The following MCF2L2 variants were observed in gnomAD, a reference collection of about 807,000 sequenced individuals.
MCF2L2 encodes MCF.2 cell line derived transforming sequence-like 2, also known as probable guanine nucleotide exchange factor MCF2L2.
In MCF2L2, 102 loss-of-function variants were observed where a neutral mutation model predicts 150.2. The ratio of observed to expected loss-of-function variants is 0.68; its 90% CI spans 0.58 to 0.80. The LOEUF (loss-of-function observed/expected upper bound fraction) is 0.80, where lower values mean the gene tolerates loss of function less well. Ranked by LOEUF, MCF2L2 falls within the 30% of genes least tolerant of loss-of-function variation. MCF2L2 has a pLI of 0.00. For missense variants in MCF2L2, 1,256 were observed against 1,372.8 expected, an observed-to-expected ratio of 0.91 and a Z score of 1.34; for synonymous variants, 465 against 491.3, an observed-to-expected ratio of 0.95 and a Z score of 0.71.
chr3:183,184,104 T>G (rs11919772), intron 27 of MCF2L2, among the ~76,000 whole-genome samples: 37,494 of 152,092 alleles, frequency 0.25, 5,916 homozygotes, highest in African/African-American at 0.42. Context: ...AGCAACCTCC[T>G]TCTCCCGGGT....
Position 183,296,980 on chromosome 3 carries a change from G to C in MCF2L2, c.1493C>G (p.Ala498Gly). 6.2e-7 allele frequency: 1 copy of C among 1,613,310 alleles called. No homozygotes were observed. The highest frequency in any genetic ancestry group is 8.5e-7 in the Non-Finnish European group (1 of 1,179,494). Reference sequence around the variant, plus strand: ...AAAATAACCCGGAAGCATTACCTTTGCATCGAGGGTGAGCAGCAACTCAAA... The same window carrying C: ...AAAATAACCCGGAAGCATTACCTTTCCATCGAGGGTGAGCAGCAACTCAAA... ...NEFELLLTLD[A>G]KAKAQKVLQR... The change falls in exon 12 of 30, where the codon GCA (alanine) becomes GGA (glycine). Residue 498 changes from alanine (A) to glycine (G), a missense_variant. By Grantham distance (60) the Ala-to-Gly change is moderately conservative. Transcript: ENST00000328913.
At chr3:183,396,680 G>T (rs1250694090) in intron 1 of MCF2L2, among the ~76,000 whole-genome samples, 1 of 152,010 alleles carries the variant, frequency 6.6e-6, no homozygotes, top group East Asian at 1.9e-4. Flanking sequence ...CATATCACTG[G>T]CCCATAAACA....
intron 1 of MCF2L2, among the ~76,000 whole-genome samples, chr3:183,403,100 C>T (rs938865975): frequency 6.6e-6 from 1 of 151,762 alleles, no homozygotes; most frequent in African/African-American, 2.4e-5. Context: ...ATGGAAACCC[C>T]GTCTCTACTA....
intron 7 of MCF2L2, among the ~76,000 whole-genome samples, chr3:183,313,444 A>G (rs920310214): frequency 3.3e-5 from 5 of 152,214 alleles, no homozygotes; most frequent in Non-Finnish European, 7.3e-5. Context: ...GATGTCACAC[A>G]CTATATATCC....
At chr3:183,192,117 G>A (rs1043236669) in intron 27 of MCF2L2, among the ~76,000 whole-genome samples, 11 of 148,244 alleles carry the variant, frequency 7.4e-5, no homozygotes, top group South Asian at 2.2e-4. Flanking sequence ...CCAAAGTGCC[G>A]GGATTACAGG....
intron 1 of MCF2L2, among the ~76,000 whole-genome samples, chr3:183,395,578 G>C (rs1255290064): frequency 6.6e-6 from 1 of 152,140 alleles, no homozygotes; most frequent in African/African-American, 2.4e-5. Context: ...TACAGTTTGA[G>C]GAATTTTGAC....
chr3:183,194,332 A>G (rs1374921687), intron 26 of MCF2L2, among the ~76,000 whole-genome samples: 1 of 152,224 alleles, frequency 6.6e-6, no homozygotes, highest in Non-Finnish European at 1.5e-5. Context: ...GAGGAATTAT[A>G]GACGAAGATT....
At chr3:183,364,980 T>C (rs1712441690) in intron 3 of MCF2L2, among the ~76,000 whole-genome samples, 1 of 152,046 alleles carries the variant, frequency 6.6e-6, no homozygotes, top group African/African-American at 2.4e-5. Context: ...CTCTAAAAAA[T>C]GAAAGAAGAC....
At chr3:183,284,238 C>T (rs1727665910) in intron 14 of MCF2L2, among the ~76,000 whole-genome samples, 1 of 152,174 alleles carries the variant, frequency 6.6e-6, no homozygotes, top group Non-Finnish European at 1.5e-5. Context: ...GTAATCACCA[C>T]CTCACTCCTC....
intron 2 of MCF2L2, among the ~76,000 whole-genome samples, chr3:183,382,601 G>T (rs184344692): frequency 1.3e-5 from 2 of 152,248 alleles, no homozygotes; most frequent in Non-Finnish European, 2.9e-5. Context: ...CTGAGGAAAC[G>T]CGGTAATGCA....
In MCF2L2 at chr3:183,181,053, C is replaced by T. The variant is rs975997830; in HGVS notation, c.3017-894G>A. Among the ~76,000 whole-genome samples, 5 of 152,334 alleles carry T rather than the reference C, an allele frequency of 3.3e-5. No individual in the cohort carries two copies. The highest frequency in any genetic ancestry group is 9.6e-5 in the African/African-American group (4 of 41,578). ...GCTGAGTAGTCTACGCGGCGGGAGC[C>T]GTGCTAGGAAAGTGTCTGCTCAGGC... On this transcript the variant is annotated intron_variant, in intron 27 of 29. Coordinates refer to ENST00000328913, the MANE Select transcript of MCF2L2 (RefSeq NM_015078.4). The surrounding 1 kb of genome is among the most constrained non-coding windows in gnomAD (Gnocchi z 4.3).
At chr3:183,407,313 T>C (rs1309903445) in intron 1 of MCF2L2, among the ~76,000 whole-genome samples, 1 of 148,562 alleles carries the variant, frequency 6.7e-6, no homozygotes, top group African/African-American at 2.6e-5. Context: ...ATGTACTCTT[T>C]TAAAAAAAAA....
chr3:183,363,724 GCA>G (rs1040118626), intron 3 of MCF2L2, among the ~76,000 whole-genome samples: 15 of 152,106 alleles, frequency 9.9e-5, no homozygotes, highest in Non-Finnish European at 1.8e-4. Flanking sequence ...TGTCTCAAAA[GCA>G]GGTAGAAAGA....
chr3:183,281,083 T>A lies in MCF2L2; in HGVS notation c.1777-4126A>T, dbSNP rs560286736. Among the ~76,000 whole-genome samples, 1,145 of 152,160 alleles carry A rather than the reference T, an allele frequency of 7.5e-3. 17 individuals carry two copies. The highest frequency in any genetic ancestry group is 0.026 in the African/African-American group (1,087 of 41,482). On this transcript the variant is annotated intron_variant, in intron 14 of 29. Coordinates refer to ENST00000328913, the MANE Select transcript of MCF2L2 (RefSeq NM_015078.4). ...GTTCAGCATTTTCTGGCATTGTAAA[T>A]TTAATTAATTAATTATGTAAATTAA...
intron 1 of MCF2L2, chr3:183,400,629 A>T (rs1482908787): frequency 2.9e-6 from 1 of 349,038 alleles, no homozygotes; most frequent in Non-Finnish European, 5.7e-6. Flanking sequence ...CCGAGAGTTG[A>T]TCCTTTTGAT....
chr3:183,243,516 A>G lies in MCF2L2; in HGVS notation c.1863-12499T>C, dbSNP rs191597502. 1.1e-4 allele frequency among the ~76,000 whole-genome samples: 16 copies of G among 152,312 alleles called. No homozygotes were observed. In the East Asian group the frequency reaches 2.1e-3, roughly 20 times the overall value. On this transcript the variant is annotated intron_variant, in intron 15 of 29. Coordinates refer to ENST00000328913, the MANE Select transcript of MCF2L2 (RefSeq NM_015078.4). ...TAAGACTCTCACTCTGGACAATCTT[A>G]GAAGATTTGAGGCTCAGTGTATGCT...
At chr3:183,273,176 C>T in intron 15 of MCF2L2, 1 of 503,182 alleles carries the variant, frequency 2.0e-6, no homozygotes, top group Non-Finnish European at 3.5e-6. Context: ...AAACTATCAG[C>T]TTGGATGGTC....
intron 6 of MCF2L2, among the ~76,000 whole-genome samples, chr3:183,319,272 C>T (rs1210573341): frequency 6.6e-6 from 1 of 152,232 alleles, no homozygotes; most frequent in African/African-American, 2.4e-5. Flanking sequence ...CAAGCTTTAT[C>T]ATGAGGTTGC....
intron 15 of MCF2L2, among the ~76,000 whole-genome samples, chr3:183,252,502 G>C (rs906537585): frequency 2.6e-5 from 4 of 152,166 alleles, no homozygotes; most frequent in Non-Finnish European, 5.9e-5. Flanking sequence ...ATGAACAACA[G>C]TTTTCATTTT....
Sources: gnomAD v4.1 joint callset for allele counts (sites outside exome capture counted in the v4.1 genomes callset) on GRCh38, gnomAD v4.1.1 for gene constraint, Gnocchi (gnomAD v3.1) non-coding constraint, MANE v1.5 for transcripts, NCBI Gene and HGNC (gene_info 2026-07-23, HGNC 2026-07-21) for gene names.